CCSER1: variants seen among roughly 807,000 people sequenced by gnomAD.
CCSER1 encodes coiled-coil serine rich protein 1.
Under a neutral mutation model 82.0 loss-of-function variants are expected in CCSER1, and 41 were observed. The ratio of observed to expected loss-of-function variants is 0.50; its 90% confidence interval spans 0.39 to 0.65. The LOEUF (loss-of-function observed/expected upper bound fraction) is 0.65. Ranked by LOEUF, CCSER1 falls within the 30% of genes least tolerant of loss-of-function variation. The probability of loss-of-function intolerance (pLI) is 0.00; values close to 1 mark genes in which losing one functional copy is unlikely to be tolerated. For missense variants in CCSER1, 1,119 were observed against 1,064.2 expected (o/e 1.05, Z -0.72); for synonymous variants, 414 against 383.9 (o/e 1.08, Z -0.92).
chr4:90,375,686 T>C (rs1166540299), intron 3 of CCSER1, among the ~76,000 whole-genome samples: 2 of 152,188 alleles, frequency 1.3e-5, no homozygotes, highest in Admixed American at 1.3e-4. Context: ...TGGATGCAGC[T>C]GGAATTGCCC....
intron 8 of CCSER1, among the ~76,000 whole-genome samples, chr4:90,844,525 C>T (rs1406546838): frequency 3.9e-5 from 6 of 152,082 alleles, no homozygotes; most frequent in Non-Finnish European, 8.8e-5. Flanking sequence ...TAGCTCATTT[C>T]TTAGACTAGA....
rs186501726 is a variant in CCSER1, at chr4:90,326,219, C to T, written c.1509+13172C>T. 3.8e-4 allele frequency among the ~76,000 whole-genome samples: 57 copies of T among 151,930 alleles called. No individual in the cohort carries two copies. The East Asian group carries it at 5.4e-3, about 14-fold the overall frequency. ...GACTACAGGCACCTGCCACCACGCC[C>T]GGCTAATTTTTTTTGTATTTTTAGT... On this transcript the variant is annotated intron_variant, in intron 3 of 10. Coordinates refer to ENST00000509176, the MANE Select transcript of CCSER1 (RefSeq NM_001145065.2).
chr4:91,324,833 C>A (rs1200718589), intron 10 of CCSER1, among the ~76,000 whole-genome samples: 2 of 152,076 alleles, frequency 1.3e-5, no homozygotes, highest in Non-Finnish European at 2.9e-5. Flanking sequence ...GCTGGAAAGG[C>A]ATGATTATGT....
Position 91,602,225 on chromosome 4 carries a change from A to C in CCSER1, c.*3168A>C, listed in dbSNP as rs1050738987. On this transcript the variant is annotated 3_prime_UTR_variant, in exon 11 of 11. Transcript: ENST00000509176. The stretch of plus-strand genomic sequence containing the variant: ...ACTTAAAGTGTTTACAAAGATTTTC[A>C]TGATTAATCTGGGTTTATGATTTAA... Among the ~76,000 whole-genome samples, 1 of 152,044 alleles carries C rather than the reference A, an allele frequency of 6.6e-6. No homozygotes were observed. The highest frequency in any genetic ancestry group is 6.6e-5 in the Admixed American group (1 of 15,230).
rs751281837 is a variant in CCSER1, at chr4:90,780,515, T to C, written c.2011-35247T>C. 145 of 1,608,750 alleles carry C rather than the reference T, an allele frequency of 9.0e-5. 1 individual carries two copies. The highest frequency in any genetic ancestry group is 1.3e-5 in the Non-Finnish European group (15 of 1,177,784). ...ATTGGGGTTCAGGAGGCCTAGATGA[T>C]CCACCATGACTTATTCAAAAGTTGA... On this transcript the variant is annotated intron_variant, in intron 7 of 10. Transcript: ENST00000509176.
intron 10 of CCSER1, among the ~76,000 whole-genome samples, chr4:91,152,279 A>G (rs2079114): frequency 0.73 from 109,783 of 151,368 alleles, 40,092 homozygotes; most frequent in Non-Finnish European, 0.78. Context: ...CTGTTTTATT[A>G]GAGACTAGGA....
chr4:91,236,933 C>G (rs1377539752), intron 10 of CCSER1, among the ~76,000 whole-genome samples: 4 of 152,134 alleles, frequency 2.6e-5, no homozygotes, highest in Non-Finnish European at 5.9e-5. Flanking sequence ...CTGACATGAG[C>G]AAGACCAGAC....
intron 8 of CCSER1, among the ~76,000 whole-genome samples, chr4:90,918,760 TAC>T (rs70963097): frequency 6.3e-4 from 94 of 149,990 alleles, no homozygotes; most frequent in Admixed American, 1.1e-3. Flanking sequence ...GTGTGTAAAA[TAC>T]ACACACACAC....
intron 10 of CCSER1, among the ~76,000 whole-genome samples, chr4:91,368,760 A>G (rs1205293786): frequency 6.6e-6 from 1 of 152,216 alleles, no homozygotes. Flanking sequence ...TATAAAGTTC[A>G]CAAAATATTT....
Position 90,438,774 on chromosome 4 carries a change from TTCTATCTA to T in CCSER1, c.1604-29431_1604-29424del, listed in dbSNP as rs10617236. Among the ~76,000 whole-genome samples, 1,296 of 150,340 alleles carry T rather than the reference TTCTATCTA, an allele frequency of 8.6e-3. 18 individuals carry two copies. Among genetic ancestry groups the T allele is most frequent in the African/African-American group, 0.026 (1,063 of 40,816 alleles). On this transcript the variant is annotated intron_variant, in intron 4 of 10. Transcript: ENST00000509176. The stretch of plus-strand genomic sequence containing the variant: ...AGAATTTATAGATTCTTTTGATATC[TTCTATCTA>T]TCTATCTATCTATCTATCTATCTAT...
intron 9 of CCSER1, among the ~76,000 whole-genome samples, chr4:90,987,102 T>C (rs1045074873): frequency 2.6e-5 from 4 of 151,662 alleles, no homozygotes; most frequent in Non-Finnish European, 1.5e-5. Context: ...AATCAGCTTG[T>C]GATTTTATCT....
At chr4:91,155,241 G>C (rs1222949895) in intron 10 of CCSER1, among the ~76,000 whole-genome samples, 1 of 151,782 alleles carries the variant, frequency 6.6e-6, no homozygotes, top group Non-Finnish European at 1.5e-5. Context: ...GAATTATAGG[G>C]GTAGATTTTG....
At chr4:90,505,221 C>T (rs568680084) in intron 5 of CCSER1, among the ~76,000 whole-genome samples, 1 of 152,356 alleles carries the variant, frequency 6.6e-6, no homozygotes, top group Non-Finnish European at 1.5e-5. Context: ...GAAGGGGCAA[C>T]AGATGGGCTA....
chr4:90,180,312 G>T (rs2153384791), intron 1 of CCSER1, among the ~76,000 whole-genome samples: 1 of 152,172 alleles, frequency 6.6e-6, no homozygotes, highest in East Asian at 1.9e-4. Context: ...TTGATGGCCA[G>T]ATGCGGTGCC....
At position 90,628,219 on chromosome 4, in the gene CCSER1, G is replaced by T; in HGVS notation, c.1919G>T (p.Arg640Ile). The T allele has an allele frequency of 6.2e-7, 1 of 1,611,646 alleles. No individual in the cohort carries two copies. The highest frequency in any genetic ancestry group is 2.2e-5 in the East Asian group (1 of 44,860). Reference sequence around the variant, plus strand: ...AAGACGTTATTATTAAAGATGAAGAGAGTTCTTCAAGAGGTAATGGTTTCC... The same window carrying T: ...AAGACGTTATTATTAAAGATGAAGATAGTTCTTCAAGAGGTAATGGTTTCC... ...AVKTLLLKMK[R>I]VLQESADMSP... Residue 640 changes from arginine (R) to isoleucine (I), a missense_variant, in exon 6 of 11, where the codon AGA becomes ATA. Transcript: ENST00000509176.
chr4:90,719,738 G>A (rs1005414439), intron 6 of CCSER1, among the ~76,000 whole-genome samples: 2 of 152,144 alleles, frequency 1.3e-5, no homozygotes, highest in African/African-American at 2.4e-5. Context: ...CAACGTTCAT[G>A]CTGTCTACAT....
chr4:91,233,338 A>C (rs1388643117), intron 10 of CCSER1, among the ~76,000 whole-genome samples: 1 of 151,968 alleles, frequency 6.6e-6, no homozygotes, highest in Non-Finnish European at 1.5e-5. Flanking sequence ...AAGTGAAGTG[A>C]AAGTGAAAGA....
intron 10 of CCSER1, among the ~76,000 whole-genome samples, chr4:91,465,329 C>T (rs1756820978): frequency 6.6e-6 from 1 of 152,152 alleles, no homozygotes; most frequent in African/African-American, 2.4e-5. Context: ...CACAACATAT[C>T]AGAATCTCTG....
intron 1 of CCSER1, among the ~76,000 whole-genome samples, chr4:90,177,500 C>A (rs186331060): frequency 6.6e-6 from 1 of 152,040 alleles, no homozygotes; most frequent in Non-Finnish European, 1.5e-5. Context: ...CTATTGATGG[C>A]GTACACTTAG....
Sources: gnomAD v4.1 joint callset for allele counts (sites outside exome capture counted in the v4.1 genomes callset) on GRCh38, gnomAD v4.1.1 for gene constraint, MANE v1.5 for transcripts, NCBI Gene and HGNC (gene_info 2026-07-23, HGNC 2026-07-21) for gene names.